Variants in IRS4 observed in about 807,000 individuals in gnomAD.
The protein encoded by IRS4 is insulin receptor substrate 4.
In IRS4, 15 loss-of-function variants were observed where a neutral mutation model predicts 48.6. The ratio of observed to expected loss-of-function variants is 0.31; its 90% CI spans 0.21 to 0.48. The LOEUF is 0.48. Among genes scored for constraint, IRS4 ranks in the 20% least tolerant of loss-of-function variants. The probability of loss-of-function intolerance (pLI) is 0.99; values close to 1 mark genes in which losing one functional copy is unlikely to be tolerated. For synonymous variants in IRS4, 459 were observed against 413.2 expected (o/e 1.11, Z -1.34); for missense variants, 987 against 1,023.4 (o/e 0.96, Z 0.49).
At position 108,736,376 on chromosome X, in the gene IRS4, G is replaced by T. The variant is rs1569511375; in HGVS notation, c.-32C>A. On this transcript the variant is annotated 5_prime_UTR_variant, in exon 1 of 2. Coordinates refer to ENST00000372129, the MANE Select transcript of IRS4 (RefSeq NM_001379150.1). ...GCACGATGGTTTTAAGGTGAGCGAG[G>T]AGGAGGGGGAATTCAGGAAAGGGAG... 2 of 1,209,719 alleles carry T rather than the reference G, an allele frequency of 1.7e-6. No homozygotes were observed. Among genetic ancestry groups the T allele is most frequent in the Non-Finnish European group, 2.2e-6 (2 of 895,036 alleles).
chrX:108,734,264 T>C lies in IRS4; in HGVS notation c.2081A>G (p.Glu694Gly). ...RGPHRARAFD[E>G]DEDDPYVPMR... is the part of the protein sequence containing the mutation. Reference sequence around the variant, plus strand: ...TGGCACGTATGGGTCATCCTCATCTTCATCAAAAGCTCTGGCTCTGTGGGG... The same window carrying C: ...TGGCACGTATGGGTCATCCTCATCTCCATCAAAAGCTCTGGCTCTGTGGGG... Residue 694 changes from glutamate (E) to glycine (G), a missense_variant, in exon 1 of 2, where the codon GAA (glutamate) becomes GGA (glycine). Physicochemically the swap from Glu to Gly is moderately conservative, Grantham distance 98 (BLOSUM62 -2). Around this residue, in one of 4 missense-constraint regions of IRS4, gnomAD observed 720 missense variants for 660.3 expected, o/e 1.09. Coordinates refer to ENST00000372129, the MANE Select transcript of IRS4 (RefSeq NM_001379150.1). The C allele has an allele frequency of 8.3e-7, 1 of 1,211,555 alleles. No individual in the cohort carries two copies. The highest frequency in any genetic ancestry group is 1.1e-6 in the Non-Finnish European group (1 of 895,436).
intron 1 of IRS4, among the ~76,000 whole-genome samples, chrX:108,729,884 G>A (rs926096896): frequency 8.9e-6 from 1 of 112,041 alleles, no homozygotes; most frequent in African/African-American, 3.2e-5. Context: ...TTCAGATGGA[G>A]AATCTTAATT....
chrX:108,726,577 CAGACTTTCA>C (rs1367345308), intron 1 of IRS4: 1 of 111,704 alleles, frequency 9.0e-6, no homozygotes, highest in Non-Finnish European at 1.9e-5. Flanking sequence ...ATTTGCTGGT[CAGACTTTCA>C]AGGGCCCCAT....
intron 1 of IRS4, among the ~76,000 whole-genome samples, chrX:108,729,702 G>A (rs1489847765): frequency 5.4e-5 from 6 of 111,425 alleles, no homozygotes; most frequent in Non-Finnish European, 1.1e-4. Context: ...TTACTTATAC[G>A]CAATGTGACT....
chrX:108,734,314 C>T lies in IRS4; in HGVS notation c.2031G>A (p.Glu677=), dbSNP rs2068929870. The T allele has an allele frequency of 5.8e-6, 7 of 1,211,188 alleles. No individual in the cohort carries two copies. Among genetic ancestry groups the T allele is most frequent in the Non-Finnish European group, 7.8e-6 (7 of 895,428 alleles). The change falls in exon 1 of 2, where the codon GAG becomes GAA. Residue 677 remains glutamate, a synonymous_variant. Coordinates refer to ENST00000372129, the MANE Select transcript of IRS4 (RefSeq NM_001379150.1). ...CKEAKEVKDA[E]IPEGAARGPH... ...GACCTCGAGCTGCACCTTCTGGGAT[C>T]TCTGCATCTTTCACTTCTTTGGCTT...
At chrX:108,726,499 G>A (rs1267262063) in intron 1 of IRS4, 2 of 111,695 alleles carry the variant, frequency 1.8e-5, no homozygotes, top group Non-Finnish European at 3.8e-5. Context: ...CTCTGAGTGC[G>A]AGGACAAGGT....
Position 108,734,755 on chromosome X carries a change from T to A in IRS4, c.1590A>T (p.Arg530=), listed in dbSNP as rs1368785386. The stretch of plus-strand genomic sequence containing the variant: ...CCTGGCCATTTGAGCCCTGACCACC[T>A]CGGGATCCCTGTCCCTCGCCTGAAC... ...NQCSGEGQGS[R]GGQGSNGQGS... is the part of the protein sequence containing the mutation. The change falls in exon 1 of 2, where the codon CGA becomes CGT. Residue 530 remains arginine, a synonymous_variant. Coordinates refer to ENST00000372129, the MANE Select transcript of IRS4 (RefSeq NM_001379150.1). 3.3e-6 allele frequency: 4 copies of A among 1,210,928 alleles called. No individual in the cohort carries two copies. Among genetic ancestry groups the A allele is most frequent in the Non-Finnish European group, 4.5e-6 (4 of 895,363 alleles).
At chrX:108,732,331 A>G (rs1374611842) in intron 1 of IRS4, 1 of 134,702 alleles carries the variant, frequency 7.4e-6, no homozygotes, top group African/African-American at 3.2e-5. Flanking sequence ...CGTTTTAACT[A>G]CTCCTAAAAA....
At chrX:108,730,853 C>T (rs1183666049) in intron 1 of IRS4, among the ~76,000 whole-genome samples, 1 of 112,201 alleles carries the variant, frequency 8.9e-6, no homozygotes, top group East Asian at 2.8e-4. Flanking sequence ...GTATCATCTA[C>T]ATCAAAATTA....
At chrX:108,731,371 T>TGACTACTGG (rs2068901326) in intron 1 of IRS4, among the ~76,000 whole-genome samples, 1 of 111,282 alleles carries the variant, frequency 9.0e-6, no homozygotes, top group Admixed American at 9.5e-5. Flanking sequence ...TTCACTAAAC[T>TGACTACTGG]GACTACTGGA....
chrX:108,734,154 G>T lies in IRS4; in HGVS notation c.2191C>A (p.Arg731Ser), dbSNP rs753275763. 8.3e-7 allele frequency: 1 copy of T among 1,208,958 alleles called. No homozygotes were observed. Among genetic ancestry groups the T allele is most frequent in the African/African-American group, 1.8e-5 (1 of 56,822 alleles). ...APQNVSASKK[R>S]HSRSPFEDSR... ...TCTTCAAAAGGGGATCGAGAGTGGC[G>T]CTTTTTTGAAGCAGAGACATTTTGA... Residue 731 changes from arginine to serine, a missense_variant, in exon 1 of 2, where the codon CGC becomes AGC. Arg to Ser is a moderately radical substitution (Grantham distance 110). This residue lies in a region of IRS4 where 720 missense variants were observed against 660.3 expected (regional missense o/e 1.09). Coordinates refer to ENST00000372129, the MANE Select transcript of IRS4 (RefSeq NM_001379150.1).
In IRS4 at chrX:108,733,269, T is replaced by C. The variant is rs750128009; in HGVS notation, c.3076A>G (p.Thr1026Ala). 1.8e-5 allele frequency: 22 copies of C among 1,211,703 alleles called. No homozygotes were observed. The highest frequency in any genetic ancestry group is 4.6e-4 in the Middle Eastern group (2 of 4,351). ...YIEVIFNSAM[T>A]PAMALADSAI... is the part of the protein sequence containing the mutation. ...CTGTCAGCAAGAGCCATGGCTGGTG[T>C]CATTGCTGAGTTGAAAATTACTTCA... Residue 1026 changes from threonine to alanine, a missense_variant, in exon 1 of 2, where the codon ACA becomes GCA. Physicochemically the swap from Thr to Ala is moderately conservative, Grantham distance 58 (BLOSUM62 0). Coordinates refer to ENST00000372129, the MANE Select transcript of IRS4 (RefSeq NM_001379150.1).
At position 108,720,643 on chromosome X, in the gene IRS4, A is replaced by C. The variant is rs995882350; in HGVS notation, c.*1876T>G. ...AATTATTACTTAACTTACTTGAAAA[A>C]ATAAAATGGTGACAGAAGGCTTGAA... On this transcript the variant is annotated 3_prime_UTR_variant, in exon 2 of 2. Coordinates refer to ENST00000372129, the MANE Select transcript of IRS4 (RefSeq NM_001379150.1). 8.9e-6 allele frequency: 1 copy of C among 112,292 alleles called. No individual in the cohort carries two copies. The highest frequency in any genetic ancestry group is 1.9e-5 in the Non-Finnish European group (1 of 53,304). 9.3% of individuals were successfully genotyped at this position (112,292 alleles called of 1,213,427 possible).
Position 108,720,689 on chromosome X carries a change from C to T in IRS4, c.*1830G>A, listed in dbSNP as rs1220800139. On this transcript the variant is annotated 3_prime_UTR_variant, in exon 2 of 2. Coordinates refer to ENST00000372129, the MANE Select transcript of IRS4 (RefSeq NM_001379150.1). Reference sequence around the variant, plus strand: ...TTGAAAAAAAGTTGCCTAAAGAGCGCGTTGTTATAATGAACAAAAGCCACA... The same window carrying T: ...TTGAAAAAAAGTTGCCTAAAGAGCGTGTTGTTATAATGAACAAAAGCCACA... 9.0e-6 allele frequency: 1 copy of T among 111,172 alleles called. No individual in the cohort carries two copies. The allele number at this position is 111,172 out of a possible 1,213,427, so 9.2% of individuals were successfully genotyped here. A position where few individuals can be genotyped will look rare whatever the true frequency, so the allele number is the denominator to read the frequency against.
chrX:108,722,800 C>T (rs948103338), intron 1 of IRS4: 4 of 157,251 alleles, frequency 2.5e-5, no homozygotes, highest in Admixed American at 7.0e-5. Flanking sequence ...TTTGCACGTG[C>T]GTGCACTGTT....
intron 1 of IRS4, among the ~76,000 whole-genome samples, chrX:108,730,175 A>G (rs1045865239): frequency 2.7e-5 from 3 of 111,709 alleles, no homozygotes; most frequent in African/African-American, 9.8e-5. Context: ...CAGCTTTACA[A>G]TAAAAAAGGA....
rs778651669 is a variant in IRS4 at position 108,734,245 on chromosome X, G to A, written c.2100C>T (p.Tyr700=). The change falls in exon 1 of 2, where the codon TAC becomes TAT. Residue 700 remains tyrosine, a synonymous_variant. Coordinates refer to ENST00000372129, the MANE Select transcript of IRS4 (RefSeq NM_001379150.1). Reference sequence around the variant, plus strand: ...TGGCCACCCCTGGCCTCATTGGCACGTATGGGTCATCCTCATCTTCATCAA... The same window carrying A: ...TGGCCACCCCTGGCCTCATTGGCACATATGGGTCATCCTCATCTTCATCAA... ...RAFDEDEDDP[Y]VPMRPGVATP... The A allele has an allele frequency of 9.9e-6, 12 of 1,209,018 alleles. No homozygotes were observed. The highest frequency in any genetic ancestry group is 1.3e-5 in the Non-Finnish European group (12 of 894,895).
At chrX:108,731,558 T>C (rs1039087971) in intron 1 of IRS4, among the ~76,000 whole-genome samples, 3 of 111,444 alleles carry the variant, frequency 2.7e-5, no homozygotes, top group African/African-American at 9.8e-5. Flanking sequence ...TTACTCTAAG[T>C]CTTGTTTCCA....
rs1209678439 is a variant in IRS4 at position 108,734,577 on chromosome X, C to A, written c.1768G>T (p.Gly590Trp). 6 of 1,209,625 alleles carry A rather than the reference C, an allele frequency of 5.0e-6. No individual in the cohort carries two copies. The highest frequency in any genetic ancestry group is 6.7e-6 in the Non-Finnish European group (6 of 895,160). The change falls in exon 1 of 2, where the codon GGG becomes TGG. Residue 590 changes from glycine to tryptophan, a missense_variant. Physicochemically the swap from Gly to Trp is radical, Grantham distance 184. Around this residue, in one of 4 missense-constraint regions of IRS4, gnomAD observed 720 missense variants for 660.3 expected, o/e 1.09. Transcript: ENST00000372129. ...TTCCCACTTCCTGAGCCTTTGCCCC[C>A]CCCAGAGTTCTTGCCACCACCTGAG... is the stretch of plus-strand genomic sequence containing the variant. ...HGSGGGKNSGGGKGSGSGKGS... is the reference protein window; with the variant it reads ...HGSGGGKNSGWGKGSGSGKGS...
Sources: gnomAD v4.1 joint callset for allele counts (sites outside exome capture counted in the v4.1 genomes callset) on GRCh38, gnomAD v4.1.1 for gene constraint, gnomAD v4.1.1 regional missense constraint, MANE v1.5 for transcripts, NCBI Gene and HGNC (gene_info 2026-07-23, HGNC 2026-07-21) for gene names.